COPG2: variants seen among roughly 807,000 people sequenced by gnomAD.
COPG2 encodes coatomer subunit gamma-2.
In COPG2, 37 loss-of-function variants were observed where a neutral mutation model predicts 46.3. The observed-to-expected ratio is 0.80, with a 90% confidence interval of 0.61 to 1.05. The LOEUF (loss-of-function observed/expected upper bound fraction) is 1.05, where lower values mean the gene tolerates loss of function less well. COPG2 is among the 50% of genes least tolerant of loss of function. The probability of loss-of-function intolerance (pLI) is 0.00; values close to 1 mark genes in which losing one functional copy is unlikely to be tolerated. For missense variants in COPG2, 427 were observed against 387.8 expected (o/e 1.10, Z -0.85); for synonymous variants, 159 against 129.7 (o/e 1.23, Z -1.53).
chr7:130,646,986 T>TATATATATACGTATATATATATATGC (rs1795616948), intron 5 of COPG2, among the ~76,000 whole-genome samples: 10 of 848 alleles, frequency 0.012, no homozygotes, highest in Non-Finnish European at 0.07. Context: ...TATATATGTA[T>TATATATATACGTATATATATATATGC]ATATATATAT....
chr7:130,557,217 G>A (rs1463961895), intron 12 of COPG2, among the ~76,000 whole-genome samples: 2 of 151,782 alleles, frequency 1.3e-5, no homozygotes, highest in African/African-American at 2.4e-5. Context: ...ATGATAACCA[G>A]GTAGAAGATA....
chr7:130,539,223 G>A (rs1799912540), intron 20 of COPG2, among the ~76,000 whole-genome samples: 2 of 152,142 alleles, frequency 1.3e-5, no homozygotes. Flanking sequence ...AGGGGTGCAT[G>A]GGCTCACTGG....
At position 130,617,764 on chromosome 7, in the gene COPG2, G is replaced by A. The variant is rs572064751; in HGVS notation, c.324-699C>T. Among the ~76,000 whole-genome samples the A allele has an allele frequency of 2.6e-5, 4 of 152,244 alleles. No individual in the cohort carries two copies. The East Asian group carries it at 7.7e-4, about 29-fold the overall frequency. On this transcript the variant is annotated intron_variant, in intron 5 of 23. Transcript: ENST00000425248. ...GACTCCCTCCATTAGGAAACCAAGA[G>A]GAAGAAGTTTTGACTGATAGTCCTT...
At chr7:130,511,697 C>T (rs1485757105) in intron 20 of COPG2, 1 of 513,178 alleles carries the variant, frequency 1.9e-6, no homozygotes, top group Admixed American at 2.0e-5. Flanking sequence ...GAAAATATTA[C>T]ATAAGGAAGG....
intron 20 of COPG2, among the ~76,000 whole-genome samples, chr7:130,531,416 T>C (rs1799823910): frequency 6.6e-6 from 1 of 152,000 alleles, no homozygotes; most frequent in East Asian, 1.9e-4. Flanking sequence ...AAGGGAAGTC[T>C]CTTAGAGGGG....
chr7:130,557,050 CGGA>C (rs1284866033), intron 12 of COPG2, among the ~76,000 whole-genome samples: 1 of 151,946 alleles, frequency 6.6e-6, no homozygotes, highest in Non-Finnish European at 1.5e-5. Context: ...AAACAAGAAT[CGGA>C]GAAGACAAAA....
At chr7:130,563,382 C>T (rs990648422) in intron 10 of COPG2, 46 bp from the exon 11 acceptor site, 3 of 394,700 alleles carry the variant, frequency 7.6e-6, no homozygotes, top group Non-Finnish European at 1.3e-5. Flanking sequence ...AGTAATATTA[C>T]ATATACATAC....
chr7:130,508,143 G>T, intron 21 of COPG2: 1 of 263,892 alleles, frequency 3.8e-6, no homozygotes, highest in Non-Finnish European at 7.1e-6. Flanking sequence ...TTTAAAAAAA[G>T]TTTTCCCTCC....
At chr7:130,646,921 TTG>T (rs71178599) in intron 5 of COPG2, among the ~76,000 whole-genome samples, 60,318 of 142,122 alleles carry the variant, frequency 0.42, 15,750 homozygotes, top group East Asian at 0.59. Flanking sequence ...TAGTGTGTGT[TTG>T]TGTGTGTATA....
chr7:130,643,164 G>A lies in COPG2; in HGVS notation c.323+9705C>T, dbSNP rs568662114. 2.9e-3 allele frequency among the ~76,000 whole-genome samples: 438 copies of A among 151,812 alleles called. 1 individual carries two copies. The highest frequency in any genetic ancestry group is 4.5e-3 in the Non-Finnish European group (303 of 67,932). ...ACAAATATTAGCCAGGCGTGGTGGCGGGCACCTGTAGTCCCAGCTACTCGG... is the reference window on the plus strand; with the variant it reads ...ACAAATATTAGCCAGGCGTGGTGGCAGGCACCTGTAGTCCCAGCTACTCGG... On this transcript the variant is annotated intron_variant, in intron 5 of 23. Coordinates refer to ENST00000425248, the MANE Select transcript of COPG2 (RefSeq NM_012133.6).
At chr7:130,526,090 G>A (rs1255165970) in intron 20 of COPG2, among the ~76,000 whole-genome samples, 3 of 152,190 alleles carry the variant, frequency 2.0e-5, no homozygotes, top group East Asian at 3.9e-4. Context: ...GAAGTGGCGG[G>A]ACTGGCTGTG....
chr7:130,584,068 A>C (rs1429725820), intron 9 of COPG2, among the ~76,000 whole-genome samples: 1 of 151,992 alleles, frequency 6.6e-6, no homozygotes, highest in Non-Finnish European at 1.5e-5. Context: ...CCTTAACAAA[A>C]TACTAGCTAA....
intron 5 of COPG2, among the ~76,000 whole-genome samples, chr7:130,647,659 G>A (rs1417279631): frequency 1.3e-5 from 2 of 151,638 alleles, no homozygotes; most frequent in Non-Finnish European, 2.9e-5. Flanking sequence ...ATTGGAATAG[G>A]CTTTTTTATT....
chr7:130,616,572 A>G (rs1554452867), intron 6 of COPG2, among the ~76,000 whole-genome samples: 1 of 152,194 alleles, frequency 6.6e-6, no homozygotes, highest in Non-Finnish European at 1.5e-5. Flanking sequence ...CCTGGGCGAA[A>G]GCACGAGACT....
chr7:130,525,468 C>T (rs930914622), intron 20 of COPG2, among the ~76,000 whole-genome samples: 36 of 152,210 alleles, frequency 2.4e-4, no homozygotes, highest in East Asian at 1.5e-3. Flanking sequence ...TGGCACTGGG[C>T]ATGGTAACCT....
At chr7:130,654,504 A>G (rs1261541612) in intron 4 of COPG2, among the ~76,000 whole-genome samples, 1 of 152,212 alleles carries the variant, frequency 6.6e-6, no homozygotes. Context: ...ATGAGCAAAC[A>G]AGACTCACAA....
At chr7:130,526,062 G>A (rs947202634) in intron 20 of COPG2, among the ~76,000 whole-genome samples, 10 of 152,038 alleles carry the variant, frequency 6.6e-5, no homozygotes, top group African/African-American at 2.2e-4. Flanking sequence ...AAGGAGGTGA[G>A]GAAAGGAGGA....
intron 12 of COPG2, among the ~76,000 whole-genome samples, chr7:130,558,687 A>C (rs1395006734): frequency 2.0e-5 from 3 of 151,954 alleles, no homozygotes; most frequent in African/African-American, 7.3e-5. Context: ...TGTCTGACTA[A>C]TTTTTGTATT....
chr7:130,533,899 G>A (rs1799853289), intron 20 of COPG2, among the ~76,000 whole-genome samples: 1 of 146,552 alleles, frequency 6.8e-6, no homozygotes, highest in Non-Finnish European at 1.5e-5. Context: ...TGTGGGTCGT[G>A]AGATGGGTCA....
Sources: gnomAD v4.1 joint callset for allele counts (sites outside exome capture counted in the v4.1 genomes callset) on GRCh38, gnomAD v4.1.1 for gene constraint, MANE v1.5 for transcripts, NCBI Gene and HGNC (gene_info 2026-07-23, HGNC 2026-07-21) for gene names.